SEMA3A: variants seen among roughly 807,000 people sequenced by gnomAD.
SEMA3A encodes semaphorin-3A.
Under a neutral mutation model 97.9 loss-of-function variants are expected in SEMA3A, and 29 were observed. That is an observed-to-expected ratio of 0.30 (90% CI 0.22 to 0.40). The LOEUF is 0.40. Ranked by LOEUF, SEMA3A falls within the 10% of genes least tolerant of loss-of-function variation. The pLI, the probability that SEMA3A is intolerant of heterozygous loss-of-function variation, is 1.00. For missense variants in SEMA3A, 763 were observed against 951.3 expected, an observed-to-expected ratio of 0.80 and a Z score of 2.60; for synonymous variants, 321 against 323.7, an observed-to-expected ratio of 0.99 and a Z score of 0.09.
intron 5 of SEMA3A, among the ~76,000 whole-genome samples, chr7:84,051,389 G>A (rs1253007033): frequency 2.0e-5 from 3 of 152,130 alleles, no homozygotes; most frequent in African/African-American, 4.8e-5. Context: ...ATTTCCTTGA[G>A]CAGTGATTTG....
chr7:84,433,223 C>T (rs1805034036), intron 1 of SEMA3A, among the ~76,000 whole-genome samples: 1 of 151,744 alleles, frequency 6.6e-6, no homozygotes, highest in African/African-American at 2.4e-5. Flanking sequence ...CTATCCCTCC[C>T]CTAGCCTCCC....
chr7:84,009,474 TA>T (rs1253387904), intron 9 of SEMA3A, among the ~76,000 whole-genome samples: 1 of 152,196 alleles, frequency 6.6e-6, no homozygotes, highest in Non-Finnish European at 1.5e-5. Context: ...AGTTACAGAA[TA>T]AAACAGTGTT....
intron 2 of SEMA3A, among the ~76,000 whole-genome samples, chr7:84,339,879 TA>T (rs1314742707): frequency 5.9e-5 from 9 of 151,938 alleles, no homozygotes; most frequent in South Asian, 4.2e-4. Flanking sequence ...TGAGTAATCC[TA>T]AAAAAAATTT....
At chr7:84,182,320 G>A (rs935537472) in intron 1 of SEMA3A, among the ~76,000 whole-genome samples, 4 of 152,048 alleles carry the variant, frequency 2.6e-5, no homozygotes, top group African/African-American at 9.7e-5. Context: ...AGGATGTTGT[G>A]TCTTCATGGA....
intron 14 of SEMA3A, among the ~76,000 whole-genome samples, chr7:83,981,013 T>A (rs1789392745): frequency 3.3e-5 from 5 of 152,122 alleles, no homozygotes. Flanking sequence ...TTATTAAAGT[T>A]TAAAAATGAG....
At chr7:83,977,008 T>C in intron 15 of SEMA3A, 124 bp downstream of exon 15, 1 of 461,082 alleles carries the variant, frequency 2.2e-6, no homozygotes, top group Non-Finnish European at 3.8e-6. Context: ...AGATTTTACT[T>C]CTCTTCGGCT....
chr7:84,046,914 T>A (rs73187458), intron 5 of SEMA3A, among the ~76,000 whole-genome samples: 7,317 of 152,144 alleles, frequency 0.048, 283 homozygotes, highest in East Asian at 0.19. Context: ...AAATCTTTTA[T>A]ACACTTCTTT....
chr7:84,368,215 C>T (rs960029737), intron 2 of SEMA3A, among the ~76,000 whole-genome samples: 4 of 151,026 alleles, frequency 2.6e-5, no homozygotes, highest in African/African-American at 9.7e-5. Flanking sequence ...ATTCATTCAC[C>T]ATAATGTTAG....
chr7:84,303,369 T>A (rs373968536), intron 3 of SEMA3A, among the ~76,000 whole-genome samples: 34 of 152,216 alleles, frequency 2.2e-4, no homozygotes, highest in African/African-American at 7.0e-4. Flanking sequence ...TTAAAAAAAA[T>A]GTCTAGGAAT....
chr7:84,092,294 G>A (rs1407598770), intron 4 of SEMA3A, among the ~76,000 whole-genome samples: 3 of 152,086 alleles, frequency 2.0e-5, no homozygotes, highest in Admixed American at 6.6e-5. Context: ...CTCAAACAGT[G>A]GAGCATAGTT....
At chr7:84,026,574 A>T (rs1175259477) in intron 6 of SEMA3A, among the ~76,000 whole-genome samples, 2 of 152,182 alleles carry the variant, frequency 1.3e-5, no homozygotes, top group African/African-American at 2.4e-5. Context: ...TGTTCACAAT[A>T]GCAAAGACAT....
At chr7:84,100,993 C>T (rs1254570227) in intron 4 of SEMA3A, among the ~76,000 whole-genome samples, 3 of 152,164 alleles carry the variant, frequency 2.0e-5, no homozygotes, top group Non-Finnish European at 4.4e-5. Context: ...TCTACTTCCC[C>T]ATCTCTCATC....
At chr7:83,979,654 C>T (rs1417247476) in intron 14 of SEMA3A, among the ~76,000 whole-genome samples, 5 of 151,926 alleles carry the variant, frequency 3.3e-5, no homozygotes, top group Admixed American at 2.0e-4. Context: ...AAAAGTAATA[C>T]GAACATGTTA....
At position 84,051,186 on chromosome 7, in the gene SEMA3A, A is replaced by G. The variant is rs538498950; in HGVS notation, c.548-4743T>C. ...TCTTTTGGCTTAGGATTGACTTTGC[A>G]ATGCGGGCTCTTTTTTGGTTCCATA... On this transcript the variant is annotated intron_variant, in intron 5 of 16. Coordinates refer to ENST00000265362, the MANE Select transcript of SEMA3A (RefSeq NM_006080.3). Among the ~76,000 whole-genome samples, 7 of 148,580 alleles carry G rather than the reference A, an allele frequency of 4.7e-5. No individual in the cohort carries two copies. In the East Asian group the frequency reaches 6.0e-4, roughly 13 times the overall value.
chr7:84,049,616 T>C (rs1170518705), intron 5 of SEMA3A, among the ~76,000 whole-genome samples: 1 of 152,158 alleles, frequency 6.6e-6, no homozygotes, highest in East Asian at 1.9e-4. Context: ...GGAGAATAGA[T>C]ATATTTTTTA....
chr7:84,337,168 A>G (rs1802056351), intron 2 of SEMA3A, among the ~76,000 whole-genome samples: 1 of 152,162 alleles, frequency 6.6e-6, no homozygotes, highest in African/African-American at 2.4e-5. Flanking sequence ...AGAAATTAGG[A>G]GTGTCTGGCA....
At chr7:84,069,340 T>G (rs17158561) in intron 4 of SEMA3A, among the ~76,000 whole-genome samples, 2,162 of 152,270 alleles carry the variant, frequency 0.014, 35 homozygotes, top group African/African-American at 0.038. Context: ...TTGAAGTAAA[T>G]AATTCTTGTT....
intron 1 of SEMA3A, among the ~76,000 whole-genome samples, chr7:84,424,813 TATATA>T (rs1256697787): frequency 3.0e-5 from 3 of 100,660 alleles, no homozygotes; most frequent in East Asian, 3.2e-4. Context: ...CAAATATACA[TATATA>T]ATATAATGAT....
At chr7:83,980,614 A>AC (rs1243131696) in intron 14 of SEMA3A, among the ~76,000 whole-genome samples, 10 of 82,836 alleles carry the variant, frequency 1.2e-4, no homozygotes, top group African/African-American at 4.0e-4. Context: ...AAAAAAAAAA[A>AC]AAAAAAAAAA....
Sources: allele counts gnomAD v4.1 joint callset (sites outside exome capture counted in the v4.1 genomes callset), GRCh38; gene constraint gnomAD v4.1.1; transcripts MANE v1.5; gene names NCBI Gene and HGNC (gene_info 2026-07-23, HGNC 2026-07-21).